FAM149A: variants seen among roughly 807,000 people sequenced by gnomAD.
The protein encoded by FAM149A is family with sequence similarity 149 member A.
A neutral mutation model predicts 78.2 loss-of-function variants in FAM149A; 71 were observed. The observed-to-expected ratio is 0.91, with a 90% confidence interval of 0.75 to 1.11. The LOEUF (loss-of-function observed/expected upper bound fraction) is 1.11, where lower values mean the gene tolerates loss of function less well. Among genes scored for constraint, FAM149A ranks in the 50% least tolerant of loss-of-function variants. The pLI, the probability that FAM149A is intolerant of heterozygous loss-of-function variation, is 0.00. For missense variants in FAM149A, 1,036 were observed against 971.0 expected (o/e 1.07, Z -0.89); for synonymous variants, 446 against 410.5 (o/e 1.09, Z -1.04).
rs778701875 is a variant in FAM149A at position 186,163,481 on chromosome 4, G to T, written c.1737G>T (p.Pro579=). 1.9e-6 allele frequency: 3 copies of T among 1,614,010 alleles called. No homozygotes were observed. The highest frequency in any genetic ancestry group is 2.2e-5 in the East Asian group (1 of 44,874). The change falls in exon 10 of 14, where the codon CCG becomes CCT. Residue 579 remains proline, a synonymous_variant. Transcript: ENST00000389354. ...GGGCAGGTGCTCTCTCCTCCGCACC[G>T]CACAGACTGGGACGGGCCTCAGACA...
At chr4:186,161,732 CAG>C (rs1013647722) in intron 8 of FAM149A, among the ~76,000 whole-genome samples, 1 of 152,122 alleles carries the variant, frequency 6.6e-6, no homozygotes, top group African/African-American at 2.4e-5. Context: ...GCAAAGTTAA[CAG>C]AATAAAAATA....
In FAM149A at chr4:186,152,093, C is replaced by G. The variant is rs1436571499; in HGVS notation, c.932+48C>G. ...TCTCTGGGGTGGGTTTTCCAAGCAC[C>G]CACCCCTGACCTGCCTCGATACATT... is the stretch of plus-strand genomic sequence containing the variant. On this transcript the variant is annotated intron_variant, in intron 4 of 13. Transcript: ENST00000389354. The G allele has an allele frequency of 3.2e-6, 5 of 1,581,960 alleles. No homozygotes were observed. The African/African-American group carries it at 6.7e-5, about 21-fold the overall frequency.
intron 1 of FAM149A, chr4:186,116,410 G>A: frequency 1.0e-6 from 1 of 976,162 alleles, no homozygotes; most frequent in Non-Finnish European, 1.2e-6. Flanking sequence ...GGCCATCTTG[G>A]CTCCTCCCTC....
rs10013647 is a variant in FAM149A, at chr4:186,170,191, G to A, written c.2219-1723G>A. Among the ~76,000 whole-genome samples, 466 of 152,328 alleles carry A rather than the reference G, an allele frequency of 3.1e-3. 3 individuals carry two copies. Among genetic ancestry groups the A allele is most frequent in the Middle Eastern group, 0.027 (8 of 294 alleles). ...AGAGATGCCCAGGGCTGTAGGTGCC[G>A]GCCTGTGCAATCCGGAGGAGGCCAT... On this transcript the variant is annotated intron_variant, in intron 13 of 13. Transcript: ENST00000389354.
At chr4:186,167,645 G>C (rs1332142858) in intron 13 of FAM149A, 4 of 308,930 alleles carry the variant, frequency 1.3e-5, no homozygotes, top group Admixed American at 1.3e-4. Context: ...AAAAATGCTT[G>C]AGAAAATTAA....
In FAM149A at chr4:186,162,830, T is replaced by TC. The variant is rs1734718325; in HGVS notation, c.1576-15_1576-14insC. The TC allele has an allele frequency of 1.9e-6, 2 of 1,052,038 alleles. No individual in the cohort carries two copies. Among genetic ancestry groups the TC allele is most frequent in the African/African-American group, 1.6e-5 (1 of 61,148 alleles). The allele number at this position is 1,052,038 out of a possible 1,614,324, so 65.2% of individuals were successfully genotyped here. On this transcript the variant is annotated splice_polypyrimidine_tract_variant and intron_variant, in intron 8 of 13. Coordinates refer to ENST00000389354, the MANE Select transcript of FAM149A (RefSeq NM_001367768.3). Reference sequence around the variant, plus strand: ...TAATTCTTTTTTTTTTTTTTTTTTTTTTTACTGTTCTCAGATTCATCACTT... The same window carrying TC: ...TAATTCTTTTTTTTTTTTTTTTTTTTCTTTACTGTTCTCAGATTCATCACTT...
chr4:186,139,218 C>A (rs1325071956), intron 1 of FAM149A, among the ~76,000 whole-genome samples: 2 of 152,100 alleles, frequency 1.3e-5, no homozygotes, highest in Middle Eastern at 3.2e-3. Flanking sequence ...TACAGTCTGG[C>A]AGTACAAGAT....
chr4:186,148,589 C>G (rs1733233355), intron 1 of FAM149A, among the ~76,000 whole-genome samples: 1 of 152,122 alleles, frequency 6.6e-6, no homozygotes, highest in Non-Finnish European at 1.5e-5. Context: ...TATTTAACAT[C>G]TAGATATTTC....
intron 1 of FAM149A, among the ~76,000 whole-genome samples, chr4:186,134,732 G>T (rs558893489): frequency 4.6e-5 from 7 of 152,134 alleles, no homozygotes; most frequent in African/African-American, 1.4e-4. Context: ...TAGCAGCCTC[G>T]TGTGCTGCAG....
intron 8 of FAM149A, 54 bp downstream of exon 8, chr4:186,157,773 C>T (rs1189470066): frequency 1.3e-6 from 2 of 1,572,446 alleles, no homozygotes; most frequent in Non-Finnish European, 1.7e-6. Context: ...TGTCTGTCAC[C>T]TCAGTTTGTC....
chr4:186,153,605 T>C (rs528271131), intron 4 of FAM149A, 40 bp from the exon 5 acceptor site: 5 of 1,592,922 alleles, frequency 3.1e-6, no homozygotes, highest in Middle Eastern at 1.7e-4. Context: ...TTTCCCTTTG[T>C]CTGATCAAAA....
intron 1 of FAM149A, chr4:186,117,392 A>C (rs1715052): frequency 1.0e-6 from 1 of 973,080 alleles, no homozygotes; most frequent in Non-Finnish European, 1.2e-6. Flanking sequence ...AAAGCAGGAA[A>C]AATAAGATAA....
Position 186,116,426 on chromosome 4 carries a change from C to T in FAM149A, c.566+10784C>T, listed in dbSNP as rs146141411. The T allele has an allele frequency of 5.8e-4, 573 of 981,836 alleles. 1 individual carries two copies. The African/African-American group carries it at 6.4e-3, about 11-fold the overall frequency. 60.8% of individuals were successfully genotyped at this position (981,836 alleles called of 1,614,324 possible). On this transcript the variant is annotated intron_variant, in intron 1 of 13. Transcript: ENST00000389354. ...GCCATCTTGGCTCCTCCCTCATGACCGTTACTTTCTATTACAGTCATATGA... is the reference window on the plus strand; with the variant it reads ...GCCATCTTGGCTCCTCCCTCATGACTGTTACTTTCTATTACAGTCATATGA...
At chr4:186,132,236 C>T (rs2099321045) in intron 1 of FAM149A, 2 of 984,546 alleles carry the variant, frequency 2.0e-6, no homozygotes. Flanking sequence ...TCAGTATTGT[C>T]ATGAGACAAA....
chr4:186,128,869 G>A (rs966992950), intron 1 of FAM149A, among the ~76,000 whole-genome samples: 4 of 151,642 alleles, frequency 2.6e-5, no homozygotes, highest in Admixed American at 6.6e-5. Context: ...TCTGTATAGG[G>A]GTGTGTGTGT....
intron 4 of FAM149A, chr4:186,153,203 G>A: frequency 9.5e-6 from 9 of 951,994 alleles, no homozygotes; most frequent in Non-Finnish European, 1.1e-5. Flanking sequence ...GAGGGAAGGT[G>A]GGAAAAGATT....
At chr4:186,119,256 A>G (rs2150088777) in intron 1 of FAM149A, among the ~76,000 whole-genome samples, 1 of 152,316 alleles carries the variant, frequency 6.6e-6, no homozygotes, top group East Asian at 1.9e-4. Context: ...TTTTCTAGAC[A>G]CCATGTACTA....
chr4:186,146,730 G>T (rs1292559190), intron 1 of FAM149A: 6 of 929,866 alleles, frequency 6.5e-6, no homozygotes, highest in Non-Finnish European at 7.7e-6. Flanking sequence ...GCCCAAAGAA[G>T]AGCTGTGACT....
In FAM149A at chr4:186,118,140, G is replaced by A. The variant is rs149065910; in HGVS notation, c.566+12498G>A. 350 of 985,418 alleles carry A rather than the reference G, an allele frequency of 3.6e-4. 1 individual carries two copies. In the African/African-American group the frequency reaches 5.0e-3, roughly 14 times the overall value. 61.0% of individuals were successfully genotyped at this position (985,418 alleles called of 1,614,324 possible). A position where few individuals can be genotyped will look rare whatever the true frequency, so the allele number is the denominator to read the frequency against. On this transcript the variant is annotated intron_variant, in intron 1 of 13. Coordinates refer to ENST00000389354, the MANE Select transcript of FAM149A (RefSeq NM_001367768.3). ...GAAGTATAAACAGGCAACTTTGCAC[G>A]TACAGGAGTTGGTGAACACACACAG...
Sources: allele counts gnomAD v4.1 joint callset (sites outside exome capture counted in the v4.1 genomes callset), GRCh38; gene constraint gnomAD v4.1.1; transcripts MANE v1.5; gene names NCBI Gene and HGNC (gene_info 2026-07-23, HGNC 2026-07-21).